Variants in ARK2C observed in about 807,000 individuals in gnomAD.
The protein encoded by ARK2C is E3 ubiquitin-protein ligase ARK2C.
At chr18:46,379,451 G>A in the ARK2C span, among the ~76,000 whole-genome samples, 1 of 152,050 alleles carries the variant, frequency 6.6e-6, no homozygotes, top group African/African-American at 2.4e-5. Flanking sequence ...TTCCCTCCCC[G>A]AGTCCATTTT....
the ARK2C span, among the ~76,000 whole-genome samples, chr18:46,382,475 T>C: frequency 1.4e-4 from 22 of 152,232 alleles, no homozygotes; most frequent in Non-Finnish European, 2.8e-4. Context: ...CCTCCCCTTA[T>C]ATGCAATGAA....
At chr18:46,395,608 G>T in the ARK2C span, among the ~76,000 whole-genome samples, 1 of 152,196 alleles carries the variant, frequency 6.6e-6, no homozygotes, top group Non-Finnish European at 1.5e-5. Flanking sequence ...ACCTGAGTCT[G>T]TATGGCCCCA....
chr18:46,395,825 G>T, the ARK2C span, among the ~76,000 whole-genome samples: 4 of 152,222 alleles, frequency 2.6e-5, no homozygotes, highest in African/African-American at 9.6e-5. Flanking sequence ...GGGCCAGGTG[G>T]TGATGGGAGG....
At chr18:46,351,377 C>T in the ARK2C span, among the ~76,000 whole-genome samples, 134 of 152,140 alleles carry the variant, frequency 8.8e-4, no homozygotes, top group Non-Finnish European at 1.7e-3. Context: ...CAAGCAAAGG[C>T]GTCCCTTCCG....
At chr18:46,408,212 G>T in the ARK2C span, among the ~76,000 whole-genome samples, 2 of 152,200 alleles carry the variant, frequency 1.3e-5, no homozygotes, top group East Asian at 3.8e-4. Flanking sequence ...AAGAGGCTGT[G>T]ATGGAGGCTA....
chr18:46,354,588 T>C, the ARK2C span, among the ~76,000 whole-genome samples: 1 of 152,234 alleles, frequency 6.6e-6, no homozygotes, highest in African/African-American at 2.4e-5. Flanking sequence ...CGATCCTCTC[T>C]AGAGTTTTCA....
chr18:46,429,084 C>T, the ARK2C span, among the ~76,000 whole-genome samples: 2 of 152,148 alleles, frequency 1.3e-5, no homozygotes, highest in African/African-American at 4.8e-5. Context: ...TCCGGTGCCG[C>T]TTGCTCATGC....
At chr18:46,429,538 A>C in the ARK2C span, among the ~76,000 whole-genome samples, 9 of 152,142 alleles carry the variant, frequency 5.9e-5, no homozygotes, top group Non-Finnish European at 2.9e-5. Context: ...TTCTGTTCTA[A>C]TATAGCTTAT....
chr18:46,424,327 G>T, the ARK2C span, among the ~76,000 whole-genome samples: 1 of 152,232 alleles, frequency 6.6e-6, no homozygotes, highest in East Asian at 1.9e-4. Flanking sequence ...GATGAGGAAG[G>T]TCAGATACAG....
chr18:46,366,349 G>GC, the ARK2C span, among the ~76,000 whole-genome samples: 2 of 149,372 alleles, frequency 1.3e-5, no homozygotes, highest in African/African-American at 4.9e-5. Context: ...TGTGATATAG[G>GC]CCTAAGCCCT....
At chr18:46,396,920 G>T in the ARK2C span, among the ~76,000 whole-genome samples, 2 of 152,240 alleles carry the variant, frequency 1.3e-5, no homozygotes, top group Non-Finnish European at 2.9e-5. Context: ...GTCACATCCA[G>T]CTGTGCCTGG....
the ARK2C span, chr18:46,462,929 G>GCTGTT: frequency 6.6e-6 from 1 of 152,218 alleles, no homozygotes; most frequent in African/African-American, 2.4e-5. Context: ...TAATCCTCCT[G>GCTGTT]CTGTTCTGTT....
At chr18:46,355,125 T>C in the ARK2C span, among the ~76,000 whole-genome samples, 1 of 152,030 alleles carries the variant, frequency 6.6e-6, no homozygotes, top group Non-Finnish European at 1.5e-5. Context: ...AATTTTTGTT[T>C]TTTTTTTAGT....
At chr18:46,422,650 A>G in the ARK2C span, among the ~76,000 whole-genome samples, 7 of 152,196 alleles carry the variant, frequency 4.6e-5, no homozygotes, top group Non-Finnish European at 8.8e-5. Context: ...GTGACTGTCC[A>G]GTTTGGCAAC....
At chr18:46,335,159 G>C in the ARK2C span, 2 of 152,422 alleles carry the variant, frequency 1.3e-5, no homozygotes, top group Non-Finnish European at 2.9e-5. Context: ...CGGCTGGAGC[G>C]GGGCGTCCGG....
the ARK2C span, chr18:46,334,206 G>C: frequency 1.0e-6 from 1 of 974,580 alleles, no homozygotes; most frequent in African/African-American, 1.8e-5. The surrounding 1 kb of genome is among the most constrained non-coding windows in gnomAD (Gnocchi z 4.4). Flanking sequence ...GCCCGCGCCC[G>C]CGCCCCGGAG....
At chr18:46,411,180 G>A in the ARK2C span, among the ~76,000 whole-genome samples, 4 of 152,226 alleles carry the variant, frequency 2.6e-5, no homozygotes, top group Non-Finnish European at 4.4e-5. Context: ...GAAAGGAAAC[G>A]ACAGCCCCTT....
chr18:46,368,665 A>G, the ARK2C span, among the ~76,000 whole-genome samples: 2 of 152,240 alleles, frequency 1.3e-5, no homozygotes, highest in Admixed American at 6.5e-5. Flanking sequence ...CTTACTGTGT[A>G]CCTAAACCTG....
At chr18:46,456,168 C>T in the ARK2C span, 1 of 815,452 alleles carries the variant, frequency 1.2e-6, no homozygotes, top group Non-Finnish European at 2.1e-6. Context: ...AGTTGGGGTG[C>T]TTGTTTGCTT....
Sources: allele counts gnomAD v4.1 joint callset (sites outside exome capture counted in the v4.1 genomes callset), GRCh38; gene constraint gnomAD v4.1.1; non-coding constraint Gnocchi (gnomAD v3.1); transcripts MANE v1.5; gene names NCBI Gene and HGNC (gene_info 2026-07-23, HGNC 2026-07-21).